RIPOR2: variants seen among roughly 807,000 people sequenced by gnomAD.
RIPOR2 encodes the protein RHO family interacting cell polarization regulator 2.
Under a neutral mutation model 114.5 loss-of-function variants are expected in RIPOR2, and 39 were observed. The ratio of observed to expected loss-of-function variants is 0.34; its 90% CI spans 0.26 to 0.44. The LOEUF is 0.44. Ranked by LOEUF, RIPOR2 falls within the 20% of genes least tolerant of loss-of-function variation. The pLI, the probability that RIPOR2 is intolerant of heterozygous loss-of-function variation, is 1.00. For missense variants in RIPOR2, 1,007 were observed against 1,255.1 expected (o/e 0.80, Z 2.99); for synonymous variants, 445 against 484.4 (o/e 0.92, Z 1.07).
intron 9 of RIPOR2, 95 bp downstream of exon 9, chr6:24,852,480 A>G (rs1053047283): frequency 4.0e-6 from 4 of 1,005,102 alleles, no homozygotes; most frequent in Admixed American, 4.4e-5. Flanking sequence ...AATTAAAAAA[A>G]AAAAAGACAA....
chr6:24,835,589 A>G, intron 15 of RIPOR2, 114 bp downstream of exon 15: 2 of 1,162,564 alleles, frequency 1.7e-6, no homozygotes, highest in Non-Finnish European at 1.2e-6. Context: ...CCACAGCAAG[A>G]CTGTTCTCTT....
At chr6:24,838,984 G>A (rs1761369749) in intron 14 of RIPOR2, 107 bp downstream of exon 14, 1 of 948,192 alleles carries the variant, frequency 1.1e-6, no homozygotes, top group South Asian at 1.9e-5. Flanking sequence ...CATGTGGAGA[G>A]TTTTATCTTC....
intron 1 of RIPOR2, among the ~76,000 whole-genome samples, chr6:25,013,191 ATTAAATAAGCATGGATCTCC>A (rs1409304185): frequency 1.3e-5 from 2 of 152,198 alleles, no homozygotes; most frequent in Non-Finnish European, 2.9e-5. Flanking sequence ...TTAAAACATC[ATTAAATAAGCATGGATCTCC>A]CCAAAGAAGC....
At chr6:24,825,849 C>T (rs1475836739) in intron 18 of RIPOR2, among the ~76,000 whole-genome samples, 1 of 152,098 alleles carries the variant, frequency 6.6e-6, no homozygotes, top group Non-Finnish European at 1.5e-5. Context: ...GTGCAAAAAC[C>T]AAGTCTGCAC....
rs1258608214 is a variant in RIPOR2, at chr6:24,890,295, T to C, written c.62-14478A>G. ...GATTTGATAAAGAAAATGTGGTATA[T>C]ATACACAATACAATACTATTCAACC... On this transcript the variant is annotated intron_variant, in intron 1 of 21. Transcript: ENST00000643898. Among the ~76,000 whole-genome samples, 6 of 152,226 alleles carry C rather than the reference T, an allele frequency of 3.9e-5. No individual in the cohort carries two copies. In the East Asian group the frequency reaches 9.6e-4, roughly 24 times the overall value.
At chr6:24,852,048 T>C (rs968666034) in intron 9 of RIPOR2, among the ~76,000 whole-genome samples, 1 of 151,824 alleles carries the variant, frequency 6.6e-6, no homozygotes, top group African/African-American at 2.4e-5. Flanking sequence ...TCACTTGAGG[T>C]CAGGAGTTCA....
chr6:24,990,176 A>G (rs1266199560), intron 1 of RIPOR2, among the ~76,000 whole-genome samples: 2 of 152,266 alleles, frequency 1.3e-5, no homozygotes, highest in African/African-American at 4.8e-5. Flanking sequence ...TGGCTTATCC[A>G]AAATGATGTT....
At chr6:24,860,086 T>C (rs1763919201) in intron 8 of RIPOR2, among the ~76,000 whole-genome samples, 1 of 152,208 alleles carries the variant, frequency 6.6e-6, no homozygotes. Context: ...CTGAAGATGC[T>C]GTGGTTTAAC....
chr6:24,965,876 A>G (rs568166837), intron 1 of RIPOR2, among the ~76,000 whole-genome samples: 2 of 152,294 alleles, frequency 1.3e-5, no homozygotes, highest in African/African-American at 4.8e-5. Flanking sequence ...TTTCAAACGT[A>G]CTCATCACAT....
chr6:24,950,257 C>T lies in RIPOR2; in HGVS notation c.77-74440G>A, dbSNP rs555980584. ...TAGGTATTATCTGATAATAATAATC[C>T]TGTCAAGTACTTGCTTGGGCCAGAT... On this transcript the variant is annotated intron_variant, in intron 1 of 13. Coordinates refer to the RIPOR2 transcript ENST00000510784. 4.2e-3 allele frequency among the ~76,000 whole-genome samples: 639 copies of T among 152,192 alleles called. 9 individuals are homozygous for T. Among genetic ancestry groups the T allele is most frequent in the African/African-American group, 0.014 (597 of 41,502 alleles).
At chr6:24,984,908 G>A (rs1031163716) in intron 1 of RIPOR2, among the ~76,000 whole-genome samples, 2 of 152,130 alleles carry the variant, frequency 1.3e-5, no homozygotes, top group African/African-American at 4.8e-5. Context: ...GTTCCTCTTG[G>A]TGTTCTGTGT....
Position 25,033,751 on chromosome 6 carries a change from C to T in RIPOR2, c.76+8100G>A, listed in dbSNP as rs1470253239. On this transcript the variant is annotated intron_variant, in intron 1 of 13. Coordinates refer to the RIPOR2 transcript ENST00000510784. ...AGGCTCCCAACACATCCTGTAGGTA[C>T]TTGTTTGCTTAGTTCTACAATACAC... Among the ~76,000 whole-genome samples the T allele has an allele frequency of 2.0e-5, 3 of 152,316 alleles. No individual in the cohort carries two copies. In the South Asian group the frequency reaches 6.2e-4, roughly 32 times the overall value.
At chr6:25,023,402 TC>T in intron 1 of RIPOR2, 1 of 772,744 alleles carries the variant, frequency 1.3e-6, no homozygotes. Context: ...GAGTGGGGAC[TC>T]CCAGCCAAGG....
intron 1 of RIPOR2, among the ~76,000 whole-genome samples, chr6:25,030,448 A>C (rs1257078478): frequency 6.6e-6 from 1 of 152,106 alleles, no homozygotes; most frequent in Non-Finnish European, 1.5e-5. Context: ...GTCCCCTCTG[A>C]TGATCATGTT....
intron 6 of RIPOR2, 135 bp from the exon 7 acceptor site, chr6:24,865,585 G>C: frequency 1.4e-6 from 1 of 694,528 alleles, no homozygotes; most frequent in Non-Finnish European, 2.2e-6. Flanking sequence ...TATCCTTTTA[G>C]ATAGGGACCA....
At chr6:24,922,273 G>T (rs1007739856) in intron 1 of RIPOR2, among the ~76,000 whole-genome samples, 1 of 152,140 alleles carries the variant, frequency 6.6e-6, no homozygotes, top group African/African-American at 2.4e-5. Context: ...AAGTATTTTT[G>T]CAGAGTTCCT....
chr6:24,934,154 C>T (rs746345783), intron 1 of RIPOR2, among the ~76,000 whole-genome samples: 1 of 152,138 alleles, frequency 6.6e-6, no homozygotes, highest in Non-Finnish European at 1.5e-5. Flanking sequence ...GAATGATTGC[C>T]AATTTTTCCG....
At chr6:24,932,756 G>C (rs768208196) in intron 1 of RIPOR2, among the ~76,000 whole-genome samples, 2 of 152,166 alleles carry the variant, frequency 1.3e-5, no homozygotes, top group Non-Finnish European at 2.9e-5. Context: ...TGTGTCAATT[G>C]CAAGGAAATA....
At chr6:24,999,221 G>A (rs1310043691) in intron 1 of RIPOR2, among the ~76,000 whole-genome samples, 1 of 152,280 alleles carries the variant, frequency 6.6e-6, no homozygotes, top group South Asian at 2.1e-4. Flanking sequence ...AGACTGACTG[G>A]ACCCAACATG....
Sources: gnomAD v4.1 joint callset for allele counts (sites outside exome capture counted in the v4.1 genomes callset) on GRCh38, gnomAD v4.1.1 for gene constraint, MANE v1.5 for transcripts, NCBI Gene and HGNC (gene_info 2026-07-23, HGNC 2026-07-21) for gene names.